SMIM14: variants seen among roughly 807,000 people sequenced by gnomAD.
SMIM14 encodes the protein chromosome 4 open reading frame 34.
A neutral mutation model predicts 12.6 loss-of-function variants in SMIM14; 5 were observed. The ratio of observed to expected loss-of-function variants is 0.40; its 90% CI spans 0.21 to 0.83. SMIM14 has a LOEUF of 0.83. Ranked by LOEUF, SMIM14 falls within the 40% of genes least tolerant of loss-of-function variation. The probability of loss-of-function intolerance (pLI) is 0.37; values close to 1 mark genes in which losing one functional copy is unlikely to be tolerated. For synonymous variants in SMIM14, 30 were observed against 40.1 expected, an observed-to-expected ratio of 0.75 and a Z score of 0.95; for missense variants, 86 against 119.1, an observed-to-expected ratio of 0.72 and a Z score of 1.29.
chr4:39,617,004 T>A lies in SMIM14; in HGVS notation c.-35-11824A>T, dbSNP rs576301515. Among the ~76,000 whole-genome samples the A allele has an allele frequency of 2.6e-5, 4 of 152,326 alleles. No homozygotes were observed. The South Asian group carries it at 8.3e-4, about 32-fold the overall frequency. On this transcript the variant is annotated intron_variant, in intron 1 of 4. Transcript: ENST00000295958. Reference sequence around the variant, plus strand: ...GAATTATTGTACATTAAACTCATTATACCGGTTATTGTTAAGATGATCAGA... The same window carrying A: ...GAATTATTGTACATTAAACTCATTAAACCGGTTATTGTTAAGATGATCAGA...
At chr4:39,604,392 C>A (rs1714726502) in intron 2 of SMIM14, among the ~76,000 whole-genome samples, 1 of 151,596 alleles carries the variant, frequency 6.6e-6, no homozygotes, top group South Asian at 2.1e-4. Flanking sequence ...CAAATATTAG[C>A]CAGGCGTGGT....
At chr4:39,598,911 T>C (rs2110050158) in intron 2 of SMIM14, among the ~76,000 whole-genome samples, 1 of 146,054 alleles carries the variant, frequency 6.8e-6, no homozygotes, top group African/African-American at 2.6e-5. Flanking sequence ...GCTGCCACCC[T>C]GGGATGTCCC....
intron 1 of SMIM14, among the ~76,000 whole-genome samples, chr4:39,634,265 A>G (rs533135480): frequency 6.6e-6 from 1 of 152,184 alleles, no homozygotes; most frequent in African/African-American, 2.4e-5. Context: ...GTGCAACTTC[A>G]GGCAAAAAGA....
At chr4:39,592,294 G>A (rs1364952894) in intron 2 of SMIM14, among the ~76,000 whole-genome samples, 1 of 148,166 alleles carries the variant, frequency 6.7e-6, no homozygotes, top group Non-Finnish European at 1.5e-5. Flanking sequence ...TTTAAGACAG[G>A]GTCTCACTTT....
intron 2 of SMIM14, among the ~76,000 whole-genome samples, chr4:39,576,656 ATG>A (rs202151412): frequency 0.23 from 7,029 of 31,068 alleles, 1,171 homozygotes; most frequent in African/African-American, 0.33. Flanking sequence ...GTGTGTGTGT[ATG>A]TGTATATATA....
intron 1 of SMIM14, among the ~76,000 whole-genome samples, chr4:39,622,494 G>A (rs1451034592): frequency 1.3e-5 from 2 of 152,252 alleles, no homozygotes; most frequent in Admixed American, 6.5e-5. Context: ...TCCACCTCCC[G>A]GATTCAAGTG....
intron 1 of SMIM14, among the ~76,000 whole-genome samples, chr4:39,619,611 TC>T: frequency 1.1e-5 from 1 of 87,690 alleles, no homozygotes; most frequent in Admixed American, 1.6e-4. Flanking sequence ...ATTCTATATA[TC>T]AATAAATATA....
In SMIM14 at chr4:39,548,134, ACCTCAGGT is replaced by A. The variant is rs1747414155; in HGVS notation, c.*3984_*3991del. On this transcript the variant is annotated 3_prime_UTR_variant, in exon 5 of 5. Coordinates refer to ENST00000295958, the MANE Select transcript of SMIM14 (RefSeq NM_174921.3). ...TGGCCAGGCTGGTCTCGAACTCCTG[ACCTCAGGT>A]GATCCAGCTCCCTCGGTCTCCCAAA... 6.6e-6 allele frequency: 1 copy of A among 152,040 alleles called. No homozygotes were observed. The highest frequency in any genetic ancestry group is 1.5e-5 in the Non-Finnish European group (1 of 68,040). 9.4% of individuals were successfully genotyped at this position (152,040 alleles called of 1,614,324 possible). A position where few individuals can be genotyped will look rare whatever the true frequency, so the allele number is the denominator to read the frequency against.
intron 2 of SMIM14, among the ~76,000 whole-genome samples, chr4:39,597,648 T>C (rs1465408192): frequency 2.0e-5 from 3 of 152,076 alleles, no homozygotes; most frequent in Non-Finnish European, 2.9e-5. Context: ...TTCACCATGT[T>C]GGCCAGACTG....
chr4:39,633,730 T>C (rs776075408), intron 1 of SMIM14, among the ~76,000 whole-genome samples: 3 of 152,146 alleles, frequency 2.0e-5, no homozygotes, highest in African/African-American at 7.2e-5. Context: ...TAAATTCAAA[T>C]AGTAAAACAC....
chr4:39,631,502 CA>C (rs759321292), intron 1 of SMIM14, among the ~76,000 whole-genome samples: 2,683 of 144,198 alleles, frequency 0.019, 102 homozygotes, highest in African/African-American at 0.064. Context: ...ACTAAAAATA[CA>C]AAAAAATTAG....
intron 3 of SMIM14, among the ~76,000 whole-genome samples, chr4:39,562,944 A>C (rs1404700875): frequency 9.9e-5 from 15 of 151,686 alleles, no homozygotes; most frequent in Non-Finnish European, 4.4e-5. Context: ...GTGCCCAGCA[A>C]CTCTAAGTTC....
At chr4:39,584,624 T>C (rs890226088) in intron 2 of SMIM14, among the ~76,000 whole-genome samples, 1 of 150,314 alleles carries the variant, frequency 6.7e-6, no homozygotes, top group African/African-American at 2.4e-5. Context: ...AGGGAGACCC[T>C]GTCTCTACAA....
At chr4:39,633,083 C>G (rs910441237) in intron 1 of SMIM14, among the ~76,000 whole-genome samples, 1 of 151,856 alleles carries the variant, frequency 6.6e-6, no homozygotes, top group African/African-American at 2.4e-5. Context: ...CACCTAAGGT[C>G]AGGAGTTCGA....
rs1404340431 is a variant in SMIM14 at position 39,546,350 on chromosome 4, T to C, written c.*5776A>G. 1 of 152,210 alleles carries C rather than the reference T, an allele frequency of 6.6e-6. No homozygotes were observed. Among genetic ancestry groups the C allele is most frequent in the Non-Finnish European group, 1.5e-5 (1 of 68,036 alleles). 9.4% of individuals were successfully genotyped at this position (152,210 alleles called of 1,614,324 possible). ...AAGTATAAAAATTTGTTGAAGTGTTTATTGAACGAACATAATACATTTGTC... is the reference window on the plus strand; with the variant it reads ...AAGTATAAAAATTTGTTGAAGTGTTCATTGAACGAACATAATACATTTGTC... On this transcript the variant is annotated 3_prime_UTR_variant, in exon 5 of 5. Coordinates refer to ENST00000295958, the MANE Select transcript of SMIM14 (RefSeq NM_174921.3).
chr4:39,625,032 C>T lies in SMIM14; in HGVS notation c.-36+13707G>A, dbSNP rs145226337. On this transcript the variant is annotated intron_variant, in intron 1 of 4. Transcript: ENST00000295958. ...CCAGCCTGGCCAACAAGATGAAACC[C>T]CATCTCTACTAAAGATACAAAAAAA... Among the ~76,000 whole-genome samples the T allele has an allele frequency of 1.1e-4, 16 of 150,646 alleles. No individual in the cohort carries two copies. In the East Asian group the frequency reaches 3.2e-3, roughly 30 times the overall value.
intron 2 of SMIM14, among the ~76,000 whole-genome samples, chr4:39,578,857 G>A (rs767782497): frequency 1.4e-4 from 21 of 151,996 alleles, no homozygotes; most frequent in Non-Finnish European, 2.1e-4. Flanking sequence ...TTAGCCAGGC[G>A]TGGTGGCGCA....
Position 39,554,163 on chromosome 4 carries a change from T to C in SMIM14, c.268-2005A>G, listed in dbSNP as rs76868777. Reference sequence around the variant, plus strand: ...GGTAAAGGTTGGAAAAGAGAATTAGTGGGATAATTTGGTATACAAGTGAAT... The same window carrying C: ...GGTAAAGGTTGGAAAAGAGAATTAGCGGGATAATTTGGTATACAAGTGAAT... On this transcript the variant is annotated intron_variant, in intron 4 of 4. Coordinates refer to ENST00000295958, the MANE Select transcript of SMIM14 (RefSeq NM_174921.3). Among the ~76,000 whole-genome samples, 357 of 152,258 alleles carry C rather than the reference T, an allele frequency of 2.3e-3. 1 individual carries two copies. The highest frequency in any genetic ancestry group is 8.3e-3 in the African/African-American group (345 of 41,542).
At chr4:39,605,424 C>A (rs947401519) in intron 1 of SMIM14, among the ~76,000 whole-genome samples, 1 of 151,936 alleles carries the variant, frequency 6.6e-6, no homozygotes, top group Admixed American at 6.6e-5. Flanking sequence ...CTAAACTGGC[C>A]CCACCTGTGA....
Sources: gnomAD v4.1 joint callset for allele counts (sites outside exome capture counted in the v4.1 genomes callset) on GRCh38, gnomAD v4.1.1 for gene constraint, MANE v1.5 for transcripts, NCBI Gene and HGNC (gene_info 2026-07-23, HGNC 2026-07-21) for gene names.